The following PIGV variants were observed in gnomAD, a reference collection of about 807,000 sequenced individuals.
PIGV encodes GPI alpha-1,6-mannosyltransferase 2.
Under a neutral mutation model 39.2 loss-of-function variants are expected in PIGV, and 27 were observed. The observed-to-expected ratio is 0.69, with a 90% CI of 0.51 to 0.95. The LOEUF (loss-of-function observed/expected upper bound fraction) is 0.95. Ranked by LOEUF, PIGV falls within the 40% of genes least tolerant of loss-of-function variation. PIGV has a pLI of 0.00. For missense variants in PIGV, 523 were observed against 586.4 expected, an observed-to-expected ratio of 0.89 and a Z score of 1.12; for synonymous variants, 232 against 241.7, an observed-to-expected ratio of 0.96 and a Z score of 0.37.
At chr1:26,797,287 C>T (rs2081396120) in intron 3 of PIGV, among the ~76,000 whole-genome samples, 1 of 152,168 alleles carries the variant, frequency 6.6e-6, no homozygotes, top group Non-Finnish European at 1.5e-5. Context: ...AATTAGACCC[C>T]ATAGAGTTTC....
intron 1 of PIGV, chr1:26,788,986 C>T (rs2081276387): frequency 6.6e-6 from 1 of 152,196 alleles, no homozygotes; most frequent in South Asian, 2.1e-4. Flanking sequence ...TAGAGCTTGA[C>T]TCGAGAGAGG....
intron 2 of PIGV, among the ~76,000 whole-genome samples, chr1:26,791,196 C>T (rs2081304051): frequency 6.6e-6 from 1 of 152,168 alleles, no homozygotes; most frequent in African/African-American, 2.4e-5. Flanking sequence ...CTAGTGGTCT[C>T]TCCAACAGAC....
intron 2 of PIGV, 101 bp from the exon 3 acceptor site, chr1:26,794,012 G>A (rs2081346197): frequency 8.8e-7 from 1 of 1,133,786 alleles, no homozygotes; most frequent in Non-Finnish European, 1.3e-6. Flanking sequence ...GCCAAAGTGG[G>A]GATTACAGGC....
At position 26,799,447 on chromosome 1, in the gene PIGV, A is replaced by G. The variant is rs1178029251; in HGVS notation, c.*1603A>G. 6.6e-6 allele frequency among the ~76,000 whole-genome samples: 1 copy of G among 152,148 alleles called. No individual in the cohort carries two copies. The highest frequency in any genetic ancestry group is 1.5e-5 in the Non-Finnish European group (1 of 68,010). On this transcript the variant is annotated 3_prime_UTR_variant, in exon 4 of 4. Coordinates refer to ENST00000674202, the MANE Select transcript of PIGV (RefSeq NM_017837.4). Reference sequence around the variant, plus strand: ...ACGAGAGTTTGGCTCTGTATCATCCATCACCTCTTTTATTTCCCATTTAAG... The same window carrying G: ...ACGAGAGTTTGGCTCTGTATCATCCGTCACCTCTTTTATTTCCCATTTAAG...
intron 3 of PIGV, among the ~76,000 whole-genome samples, chr1:26,796,404 G>A (rs987739826): frequency 5.3e-5 from 8 of 152,042 alleles, no homozygotes; most frequent in African/African-American, 1.9e-4. Context: ...TCCTGACCTC[G>A]TGATCCACCC....
Position 26,794,247 on chromosome 1 carries a change from C to A in PIGV, c.213C>A (p.Phe71Leu), listed in dbSNP as rs1283891602. Reference protein sequence around the residue: ...GGLSHWDAEHFLFIAEHGYLY... With the variant: ...GGLSHWDAEHLLFIAEHGYLY... ...TGTCTCACTGGGATGCTGAACACTT[C>A]TTGTTCATTGCTGAGCATGGCTACC... Residue 71 changes from phenylalanine (F) to leucine (L), a missense_variant, in exon 3 of 4, where the codon TTC becomes TTA. Transcript: ENST00000674202. The A allele has an allele frequency of 6.2e-7, 1 of 1,614,238 alleles. No individual in the cohort carries two copies. Among genetic ancestry groups the A allele is most frequent in the East Asian group, 2.2e-5 (1 of 44,892 alleles).
chr1:26,787,865 G>A (rs910757989), upstream of PIGV: 9 of 152,320 alleles, frequency 5.9e-5, no homozygotes, highest in Non-Finnish European at 1.2e-4. Flanking sequence ...CTCGCCCGGA[G>A]TCAACATGGC....
chr1:26,799,466 A>G lies in PIGV; in HGVS notation c.*1622A>G, dbSNP rs1349563410. ...TCATCCATCACCTCTTTTATTTCCC[A>G]TTTAAGCCAAAACATCCAGTAAGCA... On this transcript the variant is annotated 3_prime_UTR_variant, in exon 4 of 4. Coordinates refer to ENST00000674202, the MANE Select transcript of PIGV (RefSeq NM_017837.4). Among the ~76,000 whole-genome samples, 1 of 152,132 alleles carries G rather than the reference A, an allele frequency of 6.6e-6. No homozygotes were observed. Among genetic ancestry groups the G allele is most frequent in the African/African-American group, 2.4e-5 (1 of 41,424 alleles).
At chr1:26,789,133 A>G (rs1004780817) in intron 1 of PIGV, 4 of 152,258 alleles carry the variant, frequency 2.6e-5, no homozygotes, top group Admixed American at 6.5e-5. Context: ...GGGAAGGAGT[A>G]GCCGCGTGAG....
upstream of PIGV, chr1:26,787,795 G>A (rs1171606720): frequency 6.6e-6 from 1 of 152,350 alleles, no homozygotes; most frequent in African/African-American, 2.4e-5. Context: ...GAACTCTTCA[G>A]GTGTCACCAA....
Position 26,794,832 on chromosome 1 carries a change from A to G in PIGV, c.798A>G (p.Pro266=), listed in dbSNP as rs1366056149. ...QYYAYTQFCL[P]GSARPIPEPL... ...ATGCCTACACCCAATTCTGTCTGCC[A>G]GGCTCAGCCCGCCCCATTCCTGAGC... is the stretch of plus-strand genomic sequence containing the variant. Residue 266 remains proline, a synonymous_variant, in exon 3 of 4, where the codon CCA becomes CCG. Transcript: ENST00000674202. The G allele has an allele frequency of 6.8e-6, 11 of 1,613,906 alleles. No individual in the cohort carries two copies. The highest frequency in any genetic ancestry group is 5.9e-6 in the Non-Finnish European group (7 of 1,179,810).
chr1:26,798,025 G>A lies in PIGV; in HGVS notation c.*181G>A. ...GTCAGACACTAGAGAGCCCCTTCTG[G>A]TCCTGGCTAGGGCAAATTTTAGACA... On this transcript the variant is annotated 3_prime_UTR_variant, in exon 4 of 4. Coordinates refer to ENST00000674202, the MANE Select transcript of PIGV (RefSeq NM_017837.4). The A allele has an allele frequency of 1.6e-6, 1 of 643,848 alleles. No individual in the cohort carries two copies. Among genetic ancestry groups the A allele is most frequent in the Non-Finnish European group, 2.7e-6 (1 of 367,934 alleles). 39.9% of individuals were successfully genotyped at this position (643,848 alleles called of 1,614,324 possible).
Position 26,797,495 on chromosome 1 carries a change from G to C in PIGV, c.1201-68G>C, listed in dbSNP as rs193068446. 6 of 1,349,338 alleles carry C rather than the reference G, an allele frequency of 4.4e-6. No homozygotes were observed. The South Asian group carries it at 5.9e-5, about 13-fold the overall frequency. 83.6% of individuals were successfully genotyped at this position (1,349,338 alleles called of 1,614,324 possible). A position where few individuals can be genotyped will look rare whatever the true frequency, so the allele number is the denominator to read the frequency against. On this transcript the variant is annotated intron_variant, in intron 3 of 3. Transcript: ENST00000674202. ...TTCACCCAGCAGTAGAGAAGTCCCC[G>C]GGCTGGTCCAATTTGAGTCAGTGAC...
intron 2 of PIGV, among the ~76,000 whole-genome samples, chr1:26,793,366 T>C (rs2081337118): frequency 6.6e-6 from 1 of 152,208 alleles, no homozygotes; most frequent in African/African-American, 2.4e-5. Context: ...ATAGCCCTTG[T>C]CAAAGTCACC....
Position 26,794,149 on chromosome 1 carries a change from G to A in PIGV, c.115G>A (p.Glu39Lys), listed in dbSNP as rs369275802. ...FNAIIPDHHAEAFSPPRLAPS... is the reference protein window; with the variant it reads ...FNAIIPDHHAKAFSPPRLAPS... ...TGCCATCATCCCAGATCACCATGCA[G>A]AAGCCTTCTCTCCTCCTCGCCTGGC... Residue 39 changes from glutamate (E) to lysine (K), a missense_variant, in exon 3 of 4, where the codon GAA becomes AAA. Transcript: ENST00000674202. The A allele has an allele frequency of 4.5e-5, 73 of 1,614,096 alleles. No individual in the cohort carries two copies. In the Middle Eastern group the frequency reaches 2.6e-3, roughly 58 times the overall value.
At chr1:26,787,183 G>A (rs2124168036), upstream of PIGV, among the ~76,000 whole-genome samples, 1 of 152,356 alleles carries the variant, frequency 6.6e-6, no homozygotes, top group South Asian at 2.1e-4. Context: ...CCTTTAAGGA[G>A]GGTGCAAAGT....
intron 3 of PIGV, among the ~76,000 whole-genome samples, chr1:26,795,589 T>C (rs2081371074): frequency 6.6e-6 from 1 of 150,712 alleles, no homozygotes; most frequent in Non-Finnish European, 1.5e-5. Flanking sequence ...CAGGCACCTG[T>C]AATCCCAGCT....
At position 26,787,984 on chromosome 1, in the gene PIGV, G is replaced by C. The variant is rs1217878709; in HGVS notation, c.-342G>C. On this transcript the variant is annotated 5_prime_UTR_variant, in exon 1 of 4. Transcript: ENST00000674202. ...GGCCGCGTGGGCCCCGGATGGAGGAGCTGAGGTTCGGTCCCCGCCGGGGAG... is the reference window on the plus strand; with the variant it reads ...GGCCGCGTGGGCCCCGGATGGAGGACCTGAGGTTCGGTCCCCGCCGGGGAG... The C allele has an allele frequency of 6.6e-6, 1 of 152,424 alleles. No individual in the cohort carries two copies. Among genetic ancestry groups the C allele is most frequent in the Non-Finnish European group, 1.5e-5 (1 of 68,190 alleles). The allele number at this position is 152,424 out of a possible 1,614,324, so 9.4% of individuals were successfully genotyped here.
At chr1:26,796,116 T>G (rs1291948528) in intron 3 of PIGV, among the ~76,000 whole-genome samples, 1 of 151,170 alleles carries the variant, frequency 6.6e-6, no homozygotes, top group Non-Finnish European at 1.5e-5. Flanking sequence ...CGCCTCATCC[T>G]CCTAAAGTGC....
Sources: gnomAD v4.1 joint callset for allele counts (sites outside exome capture counted in the v4.1 genomes callset) on GRCh38, gnomAD v4.1.1 for gene constraint, MANE v1.5 for transcripts, NCBI Gene and HGNC (gene_info 2026-07-23, HGNC 2026-07-21) for gene names.